The following KRT26 variants were observed in gnomAD, a reference collection of about 807,000 sequenced individuals.
The protein encoded by KRT26 is keratin 26.
Under a neutral mutation model 46.1 loss-of-function variants are expected in KRT26, and 45 were observed. The observed-to-expected ratio is 0.98, with a 90% CI of 0.77 to 1.25. KRT26 has a LOEUF of 1.25. Ranked by LOEUF, KRT26 falls within the 50% of genes most tolerant of loss-of-function variation. The probability of loss-of-function intolerance (pLI) is 0.00; values close to 1 mark genes in which losing one functional copy is unlikely to be tolerated. For missense variants in KRT26, 582 were observed against 560.1 expected, an observed-to-expected ratio of 1.04 and a Z score of -0.39; for synonymous variants, 191 against 209.9, an observed-to-expected ratio of 0.91 and a Z score of 0.78.
At chr17:40,766,738 TTTTG>T (rs2038175795) in intron 7 of KRT26, 72 bp from the exon 8 acceptor site, 7 of 1,130,726 alleles carry the variant, frequency 6.2e-6, no homozygotes, top group East Asian at 4.9e-5. Context: ...TAGGTATGCT[TTTTG>T]TTTGTTTGTT....
At position 40,769,103 on chromosome 17, in the gene KRT26, G is replaced by C. The variant is rs1597798493; in HGVS notation, c.970-7C>G. On this transcript the variant is annotated splice_polypyrimidine_tract_variant and splice_region_variant and intron_variant, in intron 5 of 7. Coordinates refer to ENST00000335552, the Ensembl canonical transcript of KRT26. Reference sequence around the variant, plus strand: ...AGCATTCATAGGAATGTTTCTGAAAGAAAAGCAAAGTGAAGCTTGAATGTG... The same window carrying C: ...AGCATTCATAGGAATGTTTCTGAAACAAAAGCAAAGTGAAGCTTGAATGTG... 6.3e-7 allele frequency: 1 copy of C among 1,583,780 alleles called. No individual in the cohort carries two copies. Among genetic ancestry groups the C allele is most frequent in the Non-Finnish European group, 8.7e-7 (1 of 1,153,442 alleles).
exon 1 of KRT26, chr17:40,771,846 G>A: frequency 6.2e-7 from 1 of 1,614,186 alleles, no homozygotes; most frequent in African/African-American, 1.3e-5. Context: ...CGGTCGTTGA[G>A]ATTCTGCATG....
At chr17:40,768,159 G>A (rs1191995735) in intron 6 of KRT26, among the ~76,000 whole-genome samples, 1 of 152,230 alleles carries the variant, frequency 6.6e-6, no homozygotes, top group Admixed American at 6.5e-5. Flanking sequence ...GCTGCAGAGG[G>A]CTGATGGGCC....
Position 40,770,102 on chromosome 17 carries a change from A to G in KRT26, c.702T>C (p.Tyr234=). 3.1e-6 allele frequency: 5 copies of G among 1,614,152 alleles called. No homozygotes were observed. The African/African-American group carries it at 4.0e-5, about 13-fold the overall frequency. ...CCACGTTCACGTTCCCCCCAGCTGT[A>G]TATTGCAAGACTTCCATTTCCTAGA... is the stretch of plus-strand genomic sequence containing the variant. Residue 234 remains tyrosine, a synonymous_variant, in exon 4 of 8, where the codon TAT becomes TAC. Coordinates refer to ENST00000335552, the Ensembl canonical transcript of KRT26.
At chr17:40,771,270 C>T (rs2038219246) in intron 1 of KRT26, 34 bp from the exon 2 acceptor site, 1 of 1,238,126 alleles carries the variant, frequency 8.1e-7, no homozygotes, top group East Asian at 2.3e-5. Flanking sequence ...ATGTTAATTA[C>T]CAAAAGTCAA....
At chr17:40,766,354 G>T (rs1009421782) in exon 8 of KRT26, 1 of 528,604 alleles carries the variant, frequency 1.9e-6, no homozygotes, top group Non-Finnish European at 3.2e-6. Context: ...TAGAACATGA[G>T]AAAAGGAAGA....
chr17:40,767,795 GC>G, intron 6 of KRT26, 142 bp from the exon 7 acceptor site: 1 of 493,598 alleles, frequency 2.0e-6, no homozygotes, highest in South Asian at 4.1e-5. Context: ...ACATTAATAA[GC>G]TTTTCATGAC....
At chr17:40,767,778 T>A (rs2038183328) in intron 6 of KRT26, 125 bp from the exon 7 acceptor site, 1 of 523,808 alleles carries the variant, frequency 1.9e-6, no homozygotes, top group Non-Finnish European at 3.4e-6. Flanking sequence ...CCTTATATAT[T>A]TAAAGGACAT....
At position 40,768,382 on chromosome 17, in the gene KRT26, A is replaced by G. The variant is rs145000185; in HGVS notation, c.1187+497T>C. On this transcript the variant is annotated intron_variant, in intron 6 of 7. Coordinates refer to ENST00000335552, the Ensembl canonical transcript of KRT26. Reference sequence around the variant, plus strand: ...AAACTGCATTTGAAAAGGTTAAACAATGTGCTCATAATTCACCCAGTATTT... The same window carrying G: ...AAACTGCATTTGAAAAGGTTAAACAGTGTGCTCATAATTCACCCAGTATTT... 6.5e-3 allele frequency among the ~76,000 whole-genome samples: 995 copies of G among 152,344 alleles called. 8 individuals carry two copies. The Middle Eastern group carries it at 0.082, about 12-fold the overall frequency.
At chr17:40,767,406 C>A (rs1480141773) in intron 7 of KRT26, among the ~76,000 whole-genome samples, 180 bp downstream of exon 7, 1 of 152,188 alleles carries the variant, frequency 6.6e-6, no homozygotes, top group Admixed American at 6.5e-5. Flanking sequence ...TTGACCACAT[C>A]TGTTGATCTA....
chr17:40,772,098 A>G (rs2038227680), exon 1 of KRT26: 2 of 1,613,876 alleles, frequency 1.2e-6, no homozygotes, highest in Non-Finnish European at 1.7e-6. Context: ...GATCCACCAG[A>G]AAGTCGAAAA....
At position 40,769,872 on chromosome 17, in the gene KRT26, G is replaced by A. The variant is rs188607342; in HGVS notation, c.851C>T (p.Thr284Met). 297 of 1,614,108 alleles carry A rather than the reference G, an allele frequency of 1.8e-4. 1 individual carries two copies. Among genetic ancestry groups the A allele is most frequent in the African/African-American group, 2.3e-4 (17 of 75,006 alleles). The change falls in exon 5 of 8, where the codon ACG becomes ATG. Residue 284 changes from threonine (T) to methionine (M), a missense_variant. By Grantham distance (81) the Thr-to-Met change is moderately conservative. Transcript: ENST00000335552. ...ATGATCGGAAATCTGTTGTTGCAGC[G>A]TTGCACTCTGAAGTGTAATTGTCGA...
chr17:40,766,813 C>T (rs546629867), intron 7 of KRT26, 147 bp from the exon 8 acceptor site: 33 of 566,142 alleles, frequency 5.8e-5, no homozygotes, highest in Non-Finnish European at 9.6e-5. Flanking sequence ...GATCTCGGCT[C>T]ACTGCAGCCT....
At chr17:40,770,501 G>A (rs1025251322) in intron 2 of KRT26, 92 bp from the exon 3 acceptor site, 3 of 1,009,498 alleles carry the variant, frequency 3.0e-6, no homozygotes, top group Non-Finnish European at 4.4e-6. Flanking sequence ...AAGATATGAT[G>A]TTCTGTACAT....
chr17:40,770,089 T>G, exon 4 of KRT26: 1 of 1,614,022 alleles, frequency 6.2e-7, no homozygotes, highest in Non-Finnish European at 8.5e-7. Context: ...ACGTTCACGT[T>G]CCCCCCAGCT....
chr17:40,768,083 T>G (rs1056086870), intron 6 of KRT26, among the ~76,000 whole-genome samples: 1 of 152,050 alleles, frequency 6.6e-6, no homozygotes, highest in African/African-American at 2.4e-5. Context: ...AAGTGAAAAG[T>G]GAGTGGTGTA....
At position 40,769,205 on chromosome 17, in the gene KRT26, C is replaced by A. The variant is rs968756975; in HGVS notation, c.970-109G>T. 3.2e-5 allele frequency: 22 copies of A among 687,324 alleles called. No individual in the cohort carries two copies. The African/African-American group carries it at 3.3e-4, about 10-fold the overall frequency. 42.6% of individuals were successfully genotyped at this position (687,324 alleles called of 1,614,324 possible). On this transcript the variant is annotated intron_variant, in intron 5 of 7. Coordinates refer to ENST00000335552, the Ensembl canonical transcript of KRT26. ...ACTGTGTCTTGCTCTGTCACCCAGG[C>A]TGAGTGCAGTGGCATGATCTTGGCT...
chr17:40,766,605 G>T, exon 8 of KRT26: 1 of 1,613,068 alleles, frequency 6.2e-7, no homozygotes, highest in Non-Finnish European at 8.5e-7. Flanking sequence ...TCAGTGAAAG[G>T]AGATTGCCAA....
Position 40,771,041 on chromosome 17 carries a change from C to G in KRT26, c.524+113G>C, listed in dbSNP as rs551055509. On this transcript the variant is annotated intron_variant, in intron 2 of 7. Transcript: ENST00000335552. ...TATTTAATTCAATTTCTTTATTGAT[C>G]TAGTCTGGCTTTAGAAAAACATTTT... 325 of 549,326 alleles carry G rather than the reference C, an allele frequency of 5.9e-4. 1 individual carries two copies. The highest frequency in any genetic ancestry group is 9.3e-4 in the Non-Finnish European group (293 of 313,778). 34.0% of individuals were successfully genotyped at this position (549,326 alleles called of 1,614,324 possible).
Sources: allele counts gnomAD v4.1 joint callset (sites outside exome capture counted in the v4.1 genomes callset), GRCh38; gene constraint gnomAD v4.1.1; transcripts MANE v1.5; gene names NCBI Gene and HGNC (gene_info 2026-07-23, HGNC 2026-07-21).